Variants in RP1 observed in about 807,000 individuals in gnomAD.
RP1 encodes RP1 axonemal microtubule associated, also known as oxygen-regulated protein 1.
A neutral mutation model predicts 14.8 loss-of-function variants in RP1; 16 were observed. The ratio of observed to expected loss-of-function variants is 1.08; its 90% confidence interval spans 0.73 to 1.65. The LOEUF (loss-of-function observed/expected upper bound fraction) is 1.65. Ranked by LOEUF, RP1 falls within the 40% of genes most tolerant of loss-of-function variation. The pLI is 0.00. For missense variants in RP1, 2,631 were observed against 2,535.0 expected, an observed-to-expected ratio of 1.04 and a Z score of -0.81; for synonymous variants, 876 against 883.6, an observed-to-expected ratio of 0.99 and a Z score of 0.15.
intron 1 of RP1, 21 bp from the exon 2 acceptor site, chr8:54,620,934 A>T (rs1563327807): frequency 1.2e-6 from 2 of 1,611,692 alleles, no homozygotes; most frequent in East Asian, 4.5e-5. Context: ...GATTCTGGAG[A>T]TAATTTTCTT....
At chr8:54,609,543 A>G (rs1805541736) in intron 1 of RP1, among the ~76,000 whole-genome samples, 1 of 152,192 alleles carries the variant, frequency 6.6e-6, no homozygotes, top group African/African-American at 2.4e-5. Flanking sequence ...TATGGTTACT[A>G]ACCAACAGCA....
intron 8 of RP1, chr8:54,678,418 A>G (rs916825875): frequency 1.4e-6 from 2 of 1,459,812 alleles, no homozygotes; most frequent in African/African-American, 1.4e-5. Context: ...TTATTAGGCC[A>G]TATTTATTCA....
At chr8:54,795,469 T>A (rs768324432) in intron 24 of RP1, among the ~76,000 whole-genome samples, 6 of 152,122 alleles carry the variant, frequency 3.9e-5, no homozygotes, top group Non-Finnish European at 8.8e-5. Context: ...GGGCTAAATT[T>A]TAGAACAAAA....
At chr8:54,603,470 G>C (rs62514592) in intron 1 of RP1, among the ~76,000 whole-genome samples, 2 of 151,994 alleles carry the variant, frequency 1.3e-5, no homozygotes, top group Admixed American at 6.5e-5. Flanking sequence ...GTCAGGTAGC[G>C]TGGTGCCTCC....
At chr8:54,772,752 A>G (rs376246960), downstream of RP1, among the ~76,000 whole-genome samples, 72 of 152,280 alleles carry the variant, frequency 4.7e-4, 2 homozygotes, top group South Asian at 0.013. Context: ...CTTGCTTTAG[A>G]GGGACTGATT....
intron 15 of RP1, among the ~76,000 whole-genome samples, chr8:54,714,668 T>G (rs1190276354): frequency 1.3e-5 from 2 of 152,182 alleles, no homozygotes; most frequent in Admixed American, 1.3e-4. Flanking sequence ...GGGAGGTTAA[T>G]CTGAGTAATA....
chr8:54,822,816 C>G (rs1352494719), intron 24 of RP1, among the ~76,000 whole-genome samples: 1 of 152,166 alleles, frequency 6.6e-6, no homozygotes, highest in Non-Finnish European at 1.5e-5. Context: ...TAGCCAAATA[C>G]CTAGAGGAGA....
intron 17 of RP1, among the ~76,000 whole-genome samples, chr8:54,729,362 C>G (rs191919712): frequency 6.6e-6 from 1 of 152,134 alleles, no homozygotes; most frequent in Non-Finnish European, 1.5e-5. Flanking sequence ...GTGCCAAAGT[C>G]TCAGCCATGG....
chr8:54,812,992 T>C (rs1811046676), intron 24 of RP1, among the ~76,000 whole-genome samples: 1 of 152,244 alleles, frequency 6.6e-6, no homozygotes, highest in Admixed American at 6.5e-5. Flanking sequence ...TTAACACTTC[T>C]GTGCCACAAG....
rs1266852500 is a variant in RP1 at position 54,621,120 on chromosome 8, A to T, written c.154A>T (p.Arg52Trp). ...KSGDPQFGGV[R>W]VVVNPRSFKS... The stretch of plus-strand genomic sequence containing the variant: ...CGGAGACCCCCAATTCGGCGGGGTC[A>T]GGGTGGTGGTCAACCCTCGCTCCTT... Residue 52 changes from arginine (R) to tryptophan (W), a missense_variant, in exon 2 of 4, where the codon AGG becomes TGG. Transcript: ENST00000220676. 1.9e-6 allele frequency: 3 copies of T among 1,614,068 alleles called. No homozygotes were observed. The African/African-American group carries it at 4.0e-5, about 22-fold the overall frequency.
At chr8:54,728,442 A>G (rs928193581) in intron 17 of RP1, among the ~76,000 whole-genome samples, 1 of 152,196 alleles carries the variant, frequency 6.6e-6, no homozygotes, top group East Asian at 1.9e-4. Flanking sequence ...TTTTAAAGAT[A>G]TCTAAAACCA....
At chr8:54,773,748 T>C (rs114521423), downstream of RP1, among the ~76,000 whole-genome samples, 1,095 of 152,282 alleles carry the variant, frequency 7.2e-3, 8 homozygotes, top group African/African-American at 0.025. Context: ...TATTGGAACT[T>C]AGCTCTTAAC....
intron 6 of RP1, among the ~76,000 whole-genome samples, chr8:54,661,286 T>TACAAATG (rs1321472900): frequency 4.3e-4 from 57 of 133,162 alleles, no homozygotes; most frequent in Non-Finnish European, 3.9e-4. Flanking sequence ...ATATATGATA[T>TACAAATG]ATAAATGATA....
At chr8:54,808,829 G>A (rs1810919506) in intron 24 of RP1, among the ~76,000 whole-genome samples, 1 of 152,158 alleles carries the variant, frequency 6.6e-6, no homozygotes. Context: ...TGACTACTAT[G>A]TTACTAGAGT....
intron 24 of RP1, among the ~76,000 whole-genome samples, chr8:54,789,689 G>T (rs1810413510): frequency 6.6e-6 from 1 of 152,160 alleles, no homozygotes; most frequent in Middle Eastern, 3.2e-3. Flanking sequence ...ATGGAACAGG[G>T]AGTCCAGACA....
chr8:54,841,431 T>C (rs930693827), intron 25 of RP1, among the ~76,000 whole-genome samples: 1 of 152,200 alleles, frequency 6.6e-6, no homozygotes, highest in Non-Finnish European at 1.5e-5. Context: ...AAAGAGTGGT[T>C]TTCCAGGCAG....
At chr8:54,803,000 C>T (rs1410173383) in intron 24 of RP1, among the ~76,000 whole-genome samples, 1 of 152,014 alleles carries the variant, frequency 6.6e-6, no homozygotes, top group African/African-American at 2.4e-5. Context: ...TCTTGGGATT[C>T]ATAGCTTTTT....
rs535774263 is a variant in RP1, at chr8:54,853,628, T to C, written c.3990+900T>C. 1.7e-3 allele frequency among the ~76,000 whole-genome samples: 265 copies of C among 152,048 alleles called. 1 individual carries two copies. Among genetic ancestry groups the C allele is most frequent in the African/African-American group, 6.1e-3 (254 of 41,446 alleles). ...AAGGCAAGACCTCTAAATAAAAAAT[T>C]ATAAAATATTATTGGAAAAAAATTT... On this transcript the variant is annotated intron_variant, in intron 26 of 28. Coordinates refer to the RP1 transcript ENST00000637698.
intron 24 of RP1, among the ~76,000 whole-genome samples, chr8:54,830,440 C>T (rs182589337): frequency 6.5e-4 from 99 of 152,202 alleles, no homozygotes; most frequent in Middle Eastern, 6.8e-3. Flanking sequence ...CCTCCCCCCA[C>T]TGACCTTCTG....
Sources: allele counts gnomAD v4.1 joint callset (sites outside exome capture counted in the v4.1 genomes callset), GRCh38; gene constraint gnomAD v4.1.1; transcripts MANE v1.5; gene names NCBI Gene and HGNC (gene_info 2026-07-23, HGNC 2026-07-21).